The following CCDC77 variants were observed in gnomAD, a reference collection of about 807,000 sequenced individuals.
CCDC77 encodes coiled-coil domain containing 77, also known as coiled-coil domain-containing protein 77.
A neutral mutation model predicts 66.8 loss-of-function variants in CCDC77; 56 were observed. The ratio of observed to expected loss-of-function variants is 0.84; its 90% CI spans 0.68 to 1.05. CCDC77 has a LOEUF of 1.05. Ranked by LOEUF, CCDC77 falls within the 50% of genes least tolerant of loss-of-function variation. The probability of loss-of-function intolerance (pLI) is 0.00; values close to 1 mark genes in which losing one functional copy is unlikely to be tolerated. For missense variants in CCDC77, 570 were observed against 576.8 expected, an observed-to-expected ratio of 0.99 and a Z score of 0.12; for synonymous variants, 196 against 195.2, an observed-to-expected ratio of 1.00 and a Z score of -0.03.
chr12:392,712 T>C (rs1944772240), intron 1 of CCDC77, among the ~76,000 whole-genome samples: 1 of 151,626 alleles, frequency 6.6e-6, no homozygotes, highest in East Asian at 1.9e-4. Context: ...GCCACTGTAC[T>C]CCAGCCTGGG....
intron 4 of CCDC77, among the ~76,000 whole-genome samples, chr12:415,541 A>G (rs1412974701): frequency 6.7e-6 from 1 of 149,830 alleles, no homozygotes; most frequent in East Asian, 1.9e-4. Flanking sequence ...TTAACATAAT[A>G]ATATGTTGAT....
intron 1 of CCDC77, among the ~76,000 whole-genome samples, chr12:394,030 C>T (rs1944795578): frequency 6.6e-6 from 1 of 152,186 alleles, no homozygotes; most frequent in African/African-American, 2.4e-5. Context: ...CTCATGATGA[C>T]AGAAACAAGT....
intron 1 of CCDC77, among the ~76,000 whole-genome samples, chr12:390,696 T>G (rs908415056): frequency 1.4e-4 from 21 of 151,746 alleles, no homozygotes; most frequent in African/African-American, 4.9e-4. Flanking sequence ...GGAAGCTCTA[T>G]AATCAAGTGA....
intron 1 of CCDC77, chr12:390,129 A>T (rs1417702539): frequency 6.6e-6 from 1 of 150,758 alleles, no homozygotes; most frequent in African/African-American, 2.5e-5. Flanking sequence ...GCAAAAAAAA[A>T]AAAAAAAAAA....
rs762989082 is a variant in CCDC77, at chr12:411,770, G to T, written c.62G>T (p.Gly21Val). ...CRKRTVVSKRGVAVSGPTKRR... is the reference protein window; with the variant it reads ...CRKRTVVSKRVVAVSGPTKRR... Reference sequence around the variant, plus strand: ...AGGCGAACAGTTGTCTCCAAACGTGGTGTTGCCGTCAGTGGTCCCACCAAG... The same window carrying T: ...AGGCGAACAGTTGTCTCCAAACGTGTTGTTGCCGTCAGTGGTCCCACCAAG... The change falls in exon 4 of 13, where the codon GGT becomes GTT. Residue 21 changes from glycine to valine, a missense_variant. Physicochemically the swap from Gly to Val is moderately radical, Grantham distance 109 (BLOSUM62 -3). Transcript: ENST00000239830. 1 of 1,613,802 alleles carries T rather than the reference G, an allele frequency of 6.2e-7. No homozygotes were observed. The highest frequency in any genetic ancestry group is 1.1e-5 in the South Asian group (1 of 91,062).
chr12:419,274 T>C (rs1232786872), intron 5 of CCDC77, among the ~76,000 whole-genome samples: 1 of 152,196 alleles, frequency 6.6e-6, no homozygotes, highest in Non-Finnish European at 1.5e-5. Context: ...TGACCAGTCA[T>C]AGGATGCAGG....
At chr12:432,271 G>A (rs1945666627) in intron 8 of CCDC77, among the ~76,000 whole-genome samples, 1 of 152,206 alleles carries the variant, frequency 6.6e-6, no homozygotes, top group Non-Finnish European at 1.5e-5. Context: ...GCTTGTCTAT[G>A]CTGATAGATC....
At chr12:392,730 G>GT (rs1565559003) in intron 1 of CCDC77, among the ~76,000 whole-genome samples, 1 of 149,660 alleles carries the variant, frequency 6.7e-6, no homozygotes, top group African/African-American at 2.5e-5. Flanking sequence ...GGGCAACAGA[G>GT]TAAGACTCTG....
intron 3 of CCDC77, among the ~76,000 whole-genome samples, chr12:410,274 T>TTG (rs1036708931): frequency 2.6e-5 from 4 of 151,538 alleles, no homozygotes; most frequent in African/African-American, 9.7e-5. Context: ...TTTGTTTTTT[T>TTG]TTTGTTTTTT....
chr12:392,072 G>A (rs754060399), intron 1 of CCDC77, among the ~76,000 whole-genome samples: 1 of 152,106 alleles, frequency 6.6e-6, no homozygotes, highest in Non-Finnish European at 1.5e-5. Context: ...GTTAAACTGA[G>A]TCAATAGTAT....
At chr12:428,329 A>G (rs1330768652) in intron 5 of CCDC77, among the ~76,000 whole-genome samples, 1 of 151,910 alleles carries the variant, frequency 6.6e-6, no homozygotes, top group Non-Finnish European at 1.5e-5. Context: ...TGGCTAACAC[A>G]GTGAAACCCT....
chr12:408,630 T>G (rs1348077123), intron 2 of CCDC77, among the ~76,000 whole-genome samples: 1 of 152,086 alleles, frequency 6.6e-6, no homozygotes, highest in Non-Finnish European at 1.5e-5. Context: ...GCCTCCTGAG[T>G]AGCAGGGACT....
chr12:393,923 C>T (rs534232867), intron 1 of CCDC77, among the ~76,000 whole-genome samples: 7 of 152,234 alleles, frequency 4.6e-5, no homozygotes, highest in African/African-American at 7.2e-5. Context: ...CTGAGTTATA[C>T]GGCTTTTCCT....
chr12:420,815 C>T (rs61919606), intron 5 of CCDC77, among the ~76,000 whole-genome samples: 8 of 6,796 alleles, frequency 1.2e-3, no homozygotes, highest in Admixed American at 2.4e-3. Flanking sequence ...ACCCTCCATG[C>T]TCCATTACAG....
chr12:436,760 C>T (rs372542701), intron 9 of CCDC77: 8 of 984,524 alleles, frequency 8.1e-6, no homozygotes, highest in East Asian at 1.1e-4. Flanking sequence ...AGCACATGAT[C>T]GGTTCCTTCC....
chr12:400,134 C>T (rs749614689), upstream of CCDC77, among the ~76,000 whole-genome samples: 9 of 152,232 alleles, frequency 5.9e-5, no homozygotes, highest in Admixed American at 1.3e-4. Flanking sequence ...CCTCACGAAC[C>T]AGCCTCCGCT....
chr12:430,857 T>A, intron 7 of CCDC77, 121 bp downstream of exon 7: 1 of 735,026 alleles, frequency 1.4e-6, no homozygotes, highest in Non-Finnish European at 2.4e-6. Flanking sequence ...GGTTGGTGGA[T>A]CACCTGAGGT....
chr12:398,020 G>A (rs1944851111), upstream of CCDC77, among the ~76,000 whole-genome samples: 1 of 152,174 alleles, frequency 6.6e-6, no homozygotes, highest in Non-Finnish European at 1.5e-5. Flanking sequence ...GGAGGGTCTA[G>A]CCTTGATGTT....
intron 2 of CCDC77, among the ~76,000 whole-genome samples, chr12:407,200 T>C (rs1044586748): frequency 6.6e-6 from 1 of 152,034 alleles, no homozygotes; most frequent in African/African-American, 2.4e-5. Flanking sequence ...AGGTGATAAG[T>C]AGTTGTCAGA....
Sources: allele counts gnomAD v4.1 joint callset (sites outside exome capture counted in the v4.1 genomes callset), GRCh38; gene constraint gnomAD v4.1.1; transcripts MANE v1.5; gene names NCBI Gene and HGNC (gene_info 2026-07-23, HGNC 2026-07-21).